Variants in RORA observed in about 807,000 individuals in gnomAD.
The protein encoded by RORA is nuclear receptor ROR-alpha.
RORA carries 7 observed loss-of-function variants against 69.5 expected under a neutral mutation model. That is an observed-to-expected ratio of 0.10 (90% CI 0.06 to 0.19). The LOEUF is 0.19. Among genes scored for constraint, RORA ranks in the 10% least tolerant of loss-of-function variants. The probability of loss-of-function intolerance (pLI) is 1.00; values close to 1 mark genes in which losing one functional copy is unlikely to be tolerated. For missense variants in RORA, 457 were observed against 663.0 expected (o/e 0.69, Z 3.41); for synonymous variants, 261 against 240.8 (o/e 1.08, Z -0.78).
chr15:60,990,464 C>T (rs1894338493), intron 1 of RORA, among the ~76,000 whole-genome samples: 1 of 152,108 alleles, frequency 6.6e-6, no homozygotes, highest in Non-Finnish European at 1.5e-5. Context: ...AAAATGTAAT[C>T]AGAAATGCTA....
intron 1 of RORA, chr15:60,848,064 A>C (rs1227385734): frequency 1.3e-5 from 2 of 152,240 alleles, no homozygotes; most frequent in Non-Finnish European, 2.9e-5. Flanking sequence ...CTTGCTGCTC[A>C]CTTCAGTCAT....
intron 1 of RORA, among the ~76,000 whole-genome samples, chr15:60,937,397 G>C (rs1329752589): frequency 1.3e-5 from 2 of 152,180 alleles, no homozygotes; most frequent in Admixed American, 1.3e-4. Context: ...CCATCTTCTA[G>C]TTGGAAAGCC....
chr15:60,764,637 T>C (rs1317050059), intron 1 of RORA: 3 of 152,224 alleles, frequency 2.0e-5, no homozygotes, highest in African/African-American at 4.8e-5. Context: ...TTAGAGATGA[T>C]ACTTCATTGG....
Position 60,531,749 on chromosome 15 carries a change from C to G in RORA, c.282+17G>C, listed in dbSNP as rs372106939. The G allele has an allele frequency of 2.9e-6, 4 of 1,394,656 alleles. No individual in the cohort carries two copies. Among genetic ancestry groups the G allele is most frequent in the East Asian group, 4.9e-5 (2 of 41,158 alleles). 86.4% of individuals were successfully genotyped at this position (1,394,656 alleles called of 1,614,324 possible). On this transcript the variant is annotated intron_variant, in intron 3 of 10. Coordinates refer to ENST00000335670, the MANE Select transcript of RORA (RefSeq NM_134261.3). This position sits in a 1 kb window ranked among gnomAD's most constrained non-coding sequence, Gnocchi z 4.8. The stretch of plus-strand genomic sequence containing the variant: ...TAACAAACATTAATAGAAACAACAA[C>G]AATTAAAAAGGCTTACCTTGCAGCC...
In RORA at chr15:60,517,281, C is replaced by A. The variant is rs753700751; in HGVS notation, c.283-2524G>T. ...AAATCCAACCTGGGATGGGACAGGGCAGGACCCTGACTTCTCACTCCTCTT... is the reference window on the plus strand; with the variant it reads ...AAATCCAACCTGGGATGGGACAGGGAAGGACCCTGACTTCTCACTCCTCTT... On this transcript the variant is annotated intron_variant, in intron 3 of 10. Coordinates refer to ENST00000335670, the MANE Select transcript of RORA (RefSeq NM_134261.3). Among the ~76,000 whole-genome samples the A allele has an allele frequency of 1.7e-3, 258 of 152,032 alleles. 1 individual carries two copies. The highest frequency in any genetic ancestry group is 3.9e-3 in the South Asian group (19 of 4,818).
At chr15:60,564,189 T>A (rs570340645) in intron 2 of RORA, among the ~76,000 whole-genome samples, 1 of 152,202 alleles carries the variant, frequency 6.6e-6, no homozygotes. Flanking sequence ...TGTGAACTTA[T>A]GCAAAAATTT....
At chr15:60,856,939 A>C (rs890570240) in intron 1 of RORA, among the ~76,000 whole-genome samples, 1 of 152,208 alleles carries the variant, frequency 6.6e-6, no homozygotes, top group Non-Finnish European at 1.5e-5. Flanking sequence ...GATGAGGAAT[A>C]ATGGGAGAAT....
chr15:61,128,291 G>A lies in RORA; in HGVS notation c.166+100762C>T, dbSNP rs534329769. Among the ~76,000 whole-genome samples the A allele has an allele frequency of 5.3e-5, 8 of 151,952 alleles. No homozygotes were observed. The South Asian group carries it at 8.3e-4, about 16-fold the overall frequency. On this transcript the variant is annotated intron_variant, in intron 1 of 10. Transcript: ENST00000335670. This position sits in a 1 kb window ranked among gnomAD's most constrained non-coding sequence, Gnocchi z 4.5. ...ACTAGAAAAAAACAGCAAATTGACC[G>A]GAGAATTATTAGCTTACCTTTATTT...
chr15:61,168,302 C>A (rs1368450361), intron 1 of RORA, among the ~76,000 whole-genome samples: 2 of 152,022 alleles, frequency 1.3e-5, no homozygotes, highest in East Asian at 1.9e-4. Context: ...GATCTTGGCT[C>A]ACTGCAACCT....
At chr15:60,745,896 C>G (rs186235063) in intron 1 of RORA, among the ~76,000 whole-genome samples, 1 of 152,052 alleles carries the variant, frequency 6.6e-6, no homozygotes, top group African/African-American at 2.4e-5. Context: ...CTTTTAAAGC[C>G]GCTTAATTTC....
At position 60,505,607 on chromosome 15, in the gene RORA, A is replaced by G. The variant is rs759178237; in HGVS notation, c.843T>C (p.Ser281=). ...AELEHLAQNI[S]KSHLETCQYL... Reference sequence around the variant, plus strand: ...ATTGGCAGGTTTCCAGATGCGATTTAGATATATTCTGTGCAAGGTGTTCTA... The same window carrying G: ...ATTGGCAGGTTTCCAGATGCGATTTGGATATATTCTGTGCAAGGTGTTCTA... Residue 281 remains serine, a synonymous_variant, in exon 6 of 11, where the codon TCT becomes TCC. Coordinates refer to ENST00000335670, the MANE Select transcript of RORA (RefSeq NM_134261.3). 1 of 1,614,036 alleles carries G rather than the reference A, an allele frequency of 6.2e-7. No individual in the cohort carries two copies. The highest frequency in any genetic ancestry group is 8.5e-7 in the Non-Finnish European group (1 of 1,179,906).
intron 1 of RORA, among the ~76,000 whole-genome samples, chr15:61,046,030 C>A (rs1897002659): frequency 6.6e-6 from 1 of 151,842 alleles, no homozygotes; most frequent in South Asian, 2.1e-4. Flanking sequence ...CGGTGGGGAG[C>A]AGAGAGAAAA....
At chr15:61,164,718 T>C (rs1004731703) in intron 1 of RORA, among the ~76,000 whole-genome samples, 1 of 152,180 alleles carries the variant, frequency 6.6e-6, no homozygotes, top group African/African-American at 2.4e-5. Flanking sequence ...TAACACTATG[T>C]TCTGTACCAG....
At chr15:61,069,556 G>A (rs1012453554) in intron 1 of RORA, among the ~76,000 whole-genome samples, 4 of 152,154 alleles carry the variant, frequency 2.6e-5, no homozygotes, top group African/African-American at 9.7e-5. Flanking sequence ...ACATTCGGCT[G>A]TTTCACAGAT....
intron 1 of RORA, among the ~76,000 whole-genome samples, chr15:60,761,156 C>T (rs545562738): frequency 2.6e-5 from 4 of 152,134 alleles, no homozygotes; most frequent in African/African-American, 4.8e-5. Flanking sequence ...ATTCCATGGG[C>T]GACATTGCCT....
At chr15:60,677,296 T>C in intron 2 of RORA, 1 of 431,106 alleles carries the variant, frequency 2.3e-6, no homozygotes, top group Non-Finnish European at 4.8e-6. Flanking sequence ...ATGAGCTCAA[T>C]TATGCACCGA....
rs181653262 is a variant in RORA at position 61,066,537 on chromosome 15, C to T, written c.166+162516G>A. On this transcript the variant is annotated intron_variant, in intron 1 of 10. Transcript: ENST00000335670. ...CACCTCCCAGGTTCAAGCAATTCTCCTGCCTCAGCTTCCCGAGTAGCTGGG... is the reference window on the plus strand; with the variant it reads ...CACCTCCCAGGTTCAAGCAATTCTCTTGCCTCAGCTTCCCGAGTAGCTGGG... 4.2e-3 allele frequency among the ~76,000 whole-genome samples: 638 copies of T among 150,978 alleles called. 1 individual carries two copies. The highest frequency in any genetic ancestry group is 0.015 in the African/African-American group (612 of 41,048).
intron 1 of RORA, among the ~76,000 whole-genome samples, chr15:60,774,615 G>A (rs919307555): frequency 1.4e-4 from 22 of 152,284 alleles, no homozygotes; most frequent in African/African-American, 3.8e-4. Flanking sequence ...GAGTCCTAAC[G>A]GATGCACCCA....
In RORA at chr15:60,902,453, C is replaced by A. The variant is rs941894670; in HGVS notation, c.167-223767G>T. Among the ~76,000 whole-genome samples, 6 of 152,258 alleles carry A rather than the reference C, an allele frequency of 3.9e-5. No homozygotes were observed. The East Asian group carries it at 1.2e-3, about 29-fold the overall frequency. Reference sequence around the variant, plus strand: ...AAAAGAAAGGAACTCTCCATTTACACGTGAGAATGGCTCAGCCCTAAGAAT... The same window carrying A: ...AAAAGAAAGGAACTCTCCATTTACAAGTGAGAATGGCTCAGCCCTAAGAAT... On this transcript the variant is annotated intron_variant, in intron 1 of 10. Coordinates refer to ENST00000335670, the MANE Select transcript of RORA (RefSeq NM_134261.3).
Sources: gnomAD v4.1 joint callset for allele counts (sites outside exome capture counted in the v4.1 genomes callset) on GRCh38, gnomAD v4.1.1 for gene constraint, Gnocchi (gnomAD v3.1) non-coding constraint, MANE v1.5 for transcripts, NCBI Gene and HGNC (gene_info 2026-07-23, HGNC 2026-07-21) for gene names.